The following ABCA4 variants were observed in gnomAD, a reference collection of about 807,000 sequenced individuals.
ABCA4 encodes the protein retinal-specific phospholipid-transporting ATPase ABCA4.
A neutral mutation model predicts 263.7 loss-of-function variants in ABCA4; 196 were observed. The ratio of observed to expected loss-of-function variants is 0.74; its 90% confidence interval spans 0.66 to 0.84. ABCA4 has a LOEUF of 0.84. Ranked by LOEUF, ABCA4 falls within the 40% of genes least tolerant of loss-of-function variation. The pLI is 0.00. For synonymous variants in ABCA4, 1,133 were observed against 1,094.2 expected, an observed-to-expected ratio of 1.04 and a Z score of -0.70; for missense variants, 2,792 against 2,855.1, an observed-to-expected ratio of 0.98 and a Z score of 0.50.
chr1:94,018,935 T>A (rs1226529039), intron 36 of ABCA4, among the ~76,000 whole-genome samples: 2 of 150,554 alleles, frequency 1.3e-5, no homozygotes. Flanking sequence ...GTCTTATTAT[T>A]TTGGCCACTG....
Position 94,083,705 on chromosome 1 carries a change from A to G in ABCA4, c.769-264T>C, listed in dbSNP as rs572960. 0.24 allele frequency among the ~76,000 whole-genome samples: 36,561 copies of G among 152,120 alleles called. 4,982 individuals carry two copies. Among genetic ancestry groups the G allele is most frequent in the Non-Finnish European group, 0.32 (21,466 of 67,980 alleles). On this transcript the variant is annotated intron_variant, in intron 6 of 49. Coordinates refer to ENST00000370225, the MANE Select transcript of ABCA4 (RefSeq NM_000350.3). ...TATATTAAATACTATCACTATTTCAAAGTGATTCTAATTGCTGTTTTAGTG... is the reference window on the plus strand; with the variant it reads ...TATATTAAATACTATCACTATTTCAGAGTGATTCTAATTGCTGTTTTAGTG...
intron 38 of ABCA4, among the ~76,000 whole-genome samples, chr1:94,011,626 T>C (rs1301372991): frequency 6.6e-6 from 1 of 152,216 alleles, no homozygotes; most frequent in Admixed American, 6.5e-5. Flanking sequence ...ATCAATTAAA[T>C]GACCAATCAA....
intron 14 of ABCA4, 35 bp downstream of exon 14, chr1:94,060,502 T>G (rs778120372): frequency 1.4e-5 from 23 of 1,591,352 alleles, no homozygotes; most frequent in Non-Finnish European, 1.9e-5. Context: ...AACCAAAGTA[T>G]TCAAGATTTT....
intron 21 of ABCA4, 109 bp from the exon 22 acceptor site, chr1:94,043,007 TG>T: frequency 3.4e-6 from 5 of 1,481,014 alleles, no homozygotes; most frequent in Non-Finnish European, 4.7e-6. Context: ...AGTGGTTTGG[TG>T]CTGCCTCTTA....
At chr1:94,074,240 A>T (rs181422120) in intron 11 of ABCA4, among the ~76,000 whole-genome samples, 94 of 152,350 alleles carry the variant, frequency 6.2e-4, no homozygotes, top group Non-Finnish European at 1.1e-3. Context: ...TCTTTGCCAA[A>T]CCTGACACAC....
At chr1:94,082,525 T>TCTAA (rs1661729511) in intron 7 of ABCA4, among the ~76,000 whole-genome samples, 1 of 143,132 alleles carries the variant, frequency 7.0e-6, no homozygotes, top group Non-Finnish European at 1.6e-5. Flanking sequence ...CAATGGGCTC[T>TCTAA]TCTCTAACTT....
intron 14 of ABCA4, chr1:94,059,627 T>TAC (rs1661064064): frequency 6.6e-6 from 1 of 152,180 alleles, no homozygotes; most frequent in Non-Finnish European, 1.5e-5. Context: ...CTGTGGTCAC[T>TAC]ACACACACTG....
intron 11 of ABCA4, among the ~76,000 whole-genome samples, chr1:94,068,902 A>AT (rs1661339940): frequency 6.6e-6 from 1 of 152,254 alleles, no homozygotes; most frequent in Non-Finnish European, 1.5e-5. Context: ...AAAGAGAACC[A>AT]TTGTAATGCC....
Position 94,079,379 on chromosome 1 carries a change from C to G in ABCA4, c.1182G>C (p.Leu394=), listed in dbSNP as rs776039338. 1.9e-6 allele frequency: 3 copies of G among 1,614,172 alleles called. No individual in the cohort carries two copies. In the Admixed American group the frequency reaches 5.0e-5, roughly 27 times the overall value. The change falls in exon 9 of 50, where the codon CTG becomes CTC. Residue 394 remains leucine, a synonymous_variant. Transcript: ENST00000370225. ...CAGGAGTGTACAGGATTTTTCCCAT[C>G]AGCAAAGGCTTTGCCGCCCTCCAAG... The part of the protein sequence containing the change: ...KIAWRAAKPL[L]MGKILYTPDS...
At chr1:94,016,899 G>A (rs1427310624) in intron 36 of ABCA4, among the ~76,000 whole-genome samples, 1 of 152,152 alleles carries the variant, frequency 6.6e-6, no homozygotes, top group Non-Finnish European at 1.5e-5. Flanking sequence ...TAGGAATGGG[G>A]ATAATGGAAG....
intron 18 of ABCA4, among the ~76,000 whole-genome samples, 170 bp downstream of exon 18, chr1:94,048,697 CA>C (rs957921901): frequency 1.3e-5 from 2 of 152,234 alleles, no homozygotes; most frequent in African/African-American, 4.8e-5. Context: ...ATTCATTCCA[CA>C]CACATGCAGA....
rs61750150 is a variant in ABCA4 at position 94,029,449 on chromosome 1, G to A, written c.4535C>T (p.Pro1512Leu). 5.8e-6 allele frequency: 9 copies of A among 1,550,904 alleles called. No individual in the cohort carries two copies. The highest frequency in any genetic ancestry group is 5.2e-6 in the Non-Finnish European group (6 of 1,147,032). Residue 1512 changes from proline (P) to leucine (L), a missense_variant, in exon 30 of 50, where the codon CCC becomes CTC. Physicochemically the swap from Pro to Leu is moderately conservative, Grantham distance 98. Coordinates refer to ENST00000370225, the MANE Select transcript of ABCA4 (RefSeq NM_000350.3). ...CGTTGTTTGGAGGTCAGGTACCTGG[G>A]GGGGCGGGAGGCCCCCGGCACCCTC... is the stretch of plus-strand genomic sequence containing the variant. ...CPEGAGGLPP[P>L]QRTQRSTEIL... is the part of the protein sequence containing the mutation.
At chr1:94,053,927 G>C (rs1003734658) in intron 16 of ABCA4, among the ~76,000 whole-genome samples, 3 of 152,198 alleles carry the variant, frequency 2.0e-5, no homozygotes, top group African/African-American at 7.2e-5. Flanking sequence ...GAGATGATCT[G>C]AGAGCTGTGA....
intron 11 of ABCA4, among the ~76,000 whole-genome samples, chr1:94,073,647 G>A (rs944511563): frequency 6.6e-6 from 1 of 152,096 alleles, no homozygotes; most frequent in Non-Finnish European, 1.5e-5. Context: ...ATAGGAATTT[G>A]AACCCAGGCA....
chr1:94,047,178 G>C, intron 18 of ABCA4, 85 bp from the exon 19 acceptor site: 1 of 1,477,416 alleles, frequency 6.8e-7, no homozygotes. Context: ...CTTGTATTCT[G>C]CCTATAACGT....
intron 6 of ABCA4, among the ~76,000 whole-genome samples, chr1:94,097,541 T>C (rs1662155046): frequency 6.6e-6 from 1 of 152,190 alleles, no homozygotes; most frequent in African/African-American, 2.4e-5. Context: ...AATTCCATGC[T>C]AGAAATATTA....
chr1:94,020,564 A>G (rs1242146478), intron 35 of ABCA4, among the ~76,000 whole-genome samples: 1 of 152,222 alleles, frequency 6.6e-6, no homozygotes, highest in East Asian at 1.9e-4. Flanking sequence ...CTAGGGCCCT[A>G]GGGTGTCCAG....
intron 4 of ABCA4, among the ~76,000 whole-genome samples, chr1:94,108,216 G>A (rs929697441): frequency 2.6e-5 from 4 of 152,246 alleles, no homozygotes; most frequent in South Asian, 2.1e-4. Flanking sequence ...GTTAGCTCTC[G>A]CTCTAGAACT....
rs760549861 is a variant in ABCA4, at chr1:94,014,685, G to A, written c.5318C>T (p.Ala1773Val). The change falls in exon 38 of 50, where the codon GCG (alanine) becomes GTG (valine). Residue 1773 changes from alanine (A) to valine (V), a missense_variant. Transcript: ENST00000370225. ...TGCTGGGTACATCATGGGAATGACCGCCCATCTGTGTGAAATGAGACAACT... is the reference window on the plus strand; with the variant it reads ...TGCTGGGTACATCATGGGAATGACCACCCATCTGTGTGAAATGAGACAACT... The part of the protein sequence containing the change: ...LVALLLLYGW[A>V]VIPMMYPASF... The A allele has an allele frequency of 2.5e-5, 41 of 1,613,990 alleles. No individual in the cohort carries two copies. The Admixed American group carries it at 2.7e-4, about 10-fold the overall frequency.
Sources: allele counts gnomAD v4.1 joint callset (sites outside exome capture counted in the v4.1 genomes callset), GRCh38; gene constraint gnomAD v4.1.1; transcripts MANE v1.5; gene names NCBI Gene and HGNC (gene_info 2026-07-23, HGNC 2026-07-21).